PIK3CD: variants seen among roughly 807,000 people sequenced by gnomAD.
The protein encoded by PIK3CD is phosphatidylinositol 4,5-bisphosphate 3-kinase catalytic subunit delta isoform.
A neutral mutation model predicts 122.9 loss-of-function variants in PIK3CD; 20 were observed. That is an observed-to-expected ratio of 0.16 (90% CI 0.11 to 0.24). The LOEUF (loss-of-function observed/expected upper bound fraction) is 0.24, where lower values mean the gene tolerates loss of function less well. Ranked by LOEUF, PIK3CD falls within the 10% of genes least tolerant of loss-of-function variation. PIK3CD has a pLI of 1.00. For synonymous variants in PIK3CD, 596 were observed against 593.4 expected (o/e 1.00, Z -0.06); for missense variants, 787 against 1,406.3 (o/e 0.56, Z 7.04).
the PIK3CD span, among the ~76,000 whole-genome samples, chr1:9,632,853 A>G: frequency 3.5e-5 from 5 of 141,328 alleles, no homozygotes; most frequent in Non-Finnish European, 6.1e-5. Context: ...TACCTTAGCA[A>G]CCTGATTCTT....
At chr1:9,692,098 T>C (rs1003558401) in intron 2 of PIK3CD, among the ~76,000 whole-genome samples, 1 of 152,136 alleles carries the variant, frequency 6.6e-6, no homozygotes, top group African/African-American at 2.4e-5. Flanking sequence ...TGCAGTCCTT[T>C]CATGGTGCAA....
At chr1:9,702,500 CTTTTTTTTTTTTTTTTTTTTT>C (rs60167511) in intron 2 of PIK3CD, among the ~76,000 whole-genome samples, 3,798 of 25,908 alleles carry the variant, frequency 0.15, 781 homozygotes, top group East Asian at 0.67. Flanking sequence ...AAGAACTTTC[CTTTTTTTTTTTTTTTTTTTTT>C]TTTTTTTTTT....
chr1:9,652,719 C>T lies in PIK3CD; in HGVS notation c.-138+917C>T, dbSNP rs1469245029. 2 of 152,104 alleles carry T rather than the reference C, an allele frequency of 1.3e-5. No homozygotes were observed. Among genetic ancestry groups the T allele is most frequent in the African/African-American group, 4.8e-5 (2 of 41,372 alleles). The allele number at this position is 152,104 out of a possible 1,614,324, so 9.4% of individuals were successfully genotyped here. The stretch of plus-strand genomic sequence containing the variant: ...AACTGGGACGACCTTTCGTGGGCAC[C>T]AGGATGGGGGCGTTGCAGGGCGGGG... On this transcript the variant is annotated intron_variant, in intron 1 of 23. Transcript: ENST00000377346. This position sits in a 1 kb window ranked among gnomAD's most constrained non-coding sequence, Gnocchi z 6.2.
At position 9,674,205 on chromosome 1, in the gene PIK3CD, G is replaced by A. The variant is rs1385344200; in HGVS notation, c.-137-17262G>A. Reference sequence around the variant, plus strand: ...AATGAGCACATGCTCCAGAAAGGGGGCATCAGGTAAAGTTTCTTTTCCCGT... The same window carrying A: ...AATGAGCACATGCTCCAGAAAGGGGACATCAGGTAAAGTTTCTTTTCCCGT... On this transcript the variant is annotated intron_variant, in intron 1 of 23. Coordinates refer to ENST00000377346, the MANE Select transcript of PIK3CD (RefSeq NM_005026.5). 2.0e-5 allele frequency among the ~76,000 whole-genome samples: 3 copies of A among 152,232 alleles called. No individual in the cohort carries two copies. In the East Asian group the frequency reaches 5.8e-4, roughly 29 times the overall value.
At chr1:9,680,380 G>A (rs915831019) in intron 1 of PIK3CD, among the ~76,000 whole-genome samples, 3 of 151,992 alleles carry the variant, frequency 2.0e-5, no homozygotes, top group African/African-American at 7.2e-5. Context: ...GGGAGGCTGA[G>A]GCTGAACTCA....
At position 9,718,396 on chromosome 1, in the gene PIK3CD, G is replaced by GA. The variant is rs1647899674; in HGVS notation, c.1021-296dup. On this transcript the variant is annotated intron_variant, in intron 8 of 23. Coordinates refer to ENST00000377346, the MANE Select transcript of PIK3CD (RefSeq NM_005026.5). The surrounding 1 kb of genome is among the most constrained non-coding windows in gnomAD (Gnocchi z 7.2). Reference sequence around the variant, plus strand: ...CTAGGATGTTAGAGCAAGGGTCCCTGAAGTTCTTGATCCCTGATGGGGAAA... The same window carrying GA: ...CTAGGATGTTAGAGCAAGGGTCCCTGAAAGTTCTTGATCCCTGATGGGGAAA... 6.6e-6 allele frequency among the ~76,000 whole-genome samples: 1 copy of GA among 152,070 alleles called. No homozygotes were observed. Among genetic ancestry groups the GA allele is most frequent in the Non-Finnish European group, 1.5e-5 (1 of 68,000 alleles).
intron 2 of PIK3CD, among the ~76,000 whole-genome samples, chr1:9,709,703 C>CA (rs943251692): frequency 1.2e-4 from 18 of 144,244 alleles, no homozygotes; most frequent in Non-Finnish European, 1.5e-4. Flanking sequence ...GACCCTGTTT[C>CA]AAAAAAAAAA....
chr1:9,720,356 G>A lies in PIK3CD; in HGVS notation c.1470+114G>A. On this transcript the variant is annotated intron_variant, in intron 11 of 23. Coordinates refer to ENST00000377346, the MANE Select transcript of PIK3CD (RefSeq NM_005026.5). This position sits in a 1 kb window ranked among gnomAD's most constrained non-coding sequence, Gnocchi z 9.0. ...GGCCACGTCGGGGCTGGGCTACCAG[G>A]CATATCTGGGGCCTTCCCAGGGGCC... The A allele has an allele frequency of 7.1e-7, 1 of 1,418,424 alleles. No homozygotes were observed. Among genetic ancestry groups the A allele is most frequent in the Non-Finnish European group, 9.5e-7 (1 of 1,056,172 alleles). The allele number at this position is 1,418,424 out of a possible 1,614,324, so 87.9% of individuals were successfully genotyped here.
chr1:9,656,836 G>C (rs563820859), intron 1 of PIK3CD, among the ~76,000 whole-genome samples: 1 of 151,778 alleles, frequency 6.6e-6, no homozygotes, highest in Non-Finnish European at 1.5e-5. Flanking sequence ...CCAGCTATTC[G>C]GGAGGCTGAG....
chr1:9,669,358 C>G (rs2100961111), intron 1 of PIK3CD, among the ~76,000 whole-genome samples: 1 of 152,086 alleles, frequency 6.6e-6, no homozygotes, highest in East Asian at 1.9e-4. Context: ...TGGAGGTCTC[C>G]TTTTGTTGCC....
At chr1:9,716,930 C>A in intron 6 of PIK3CD, 29 bp from the exon 7 acceptor site, 1 of 1,613,422 alleles carries the variant, frequency 6.2e-7, no homozygotes, top group East Asian at 2.2e-5. Flanking sequence ...GGCCGCCCCA[C>A]CAGCCGCTCA....
rs1403984156 is a variant in PIK3CD at position 9,710,658 on chromosome 1, CAGAT to C, written c.141+66_141+69del. The C allele has an allele frequency of 2.8e-6, 4 of 1,410,944 alleles. No homozygotes were observed. The highest frequency in any genetic ancestry group is 2.3e-5 in the East Asian group (1 of 43,622). The allele number at this position is 1,410,944 out of a possible 1,614,324, so 87.4% of individuals were successfully genotyped here. A position where few individuals can be genotyped will look rare whatever the true frequency, so the allele number is the denominator to read the frequency against. On this transcript the variant is annotated intron_variant, in intron 3 of 23. Coordinates refer to ENST00000377346, the MANE Select transcript of PIK3CD (RefSeq NM_005026.5). This position sits in a 1 kb window ranked among gnomAD's most constrained non-coding sequence, Gnocchi z 4.7. The stretch of plus-strand genomic sequence containing the variant: ...AGAGAGAGAGAGAGAGAGAGAGACA[CAGAT>C]AGACAGACAGACAGACAGACAGATG...
intron 1 of PIK3CD, among the ~76,000 whole-genome samples, chr1:9,679,768 A>G (rs183411965): frequency 7.6e-4 from 115 of 152,306 alleles, no homozygotes; most frequent in Middle Eastern, 3.4e-3. Flanking sequence ...TTCACATACC[A>G]TACAATTCAT....
chr1:9,712,100 T>G (rs903758659), intron 3 of PIK3CD, among the ~76,000 whole-genome samples: 5 of 150,764 alleles, frequency 3.3e-5, no homozygotes, highest in Admixed American at 6.6e-5. Flanking sequence ...GAGATTTTGG[T>G]TTGTTGAATA....
rs185102871 is a variant in PIK3CD, at chr1:9,665,500, G to A, written c.-138+13698G>A. Among the ~76,000 whole-genome samples, 79 of 151,620 alleles carry A rather than the reference G, an allele frequency of 5.2e-4. 1 individual carries two copies. In the Middle Eastern group the frequency reaches 0.017, roughly 33 times the overall value. On this transcript the variant is annotated intron_variant, in intron 1 of 23. Transcript: ENST00000377346. ...GGTTTACATTCCGCACAGGGCTGTG[G>A]AACAGAATTCGCTCATGCCAGTACA...
intron 1 of PIK3CD, among the ~76,000 whole-genome samples, chr1:9,661,084 G>T (rs143788099): frequency 2.6e-5 from 4 of 152,066 alleles, no homozygotes; most frequent in African/African-American, 9.6e-5. Flanking sequence ...ACAGGCATGC[G>T]CCACCACGCC....
Position 9,721,244 on chromosome 1 carries a change from C to T in PIK3CD, c.1807C>T (p.Leu603=), listed in dbSNP as rs139909682. ...CTTCGCCATCAAGTCGCTGCGGAAACTGACGTGAGTCCCAGCTGGGCGCTC... is the reference window on the plus strand; with the variant it reads ...CTTCGCCATCAAGTCGCTGCGGAAATTGACGTGAGTCCCAGCTGGGCGCTC... ...GSFAIKSLRK[L]TDDELFQYLL... The change falls in exon 14 of 24, where the codon CTG becomes TTG. Residue 603 remains leucine, a synonymous_variant. Transcript: ENST00000377346. The T allele has an allele frequency of 3.5e-5, 56 of 1,613,290 alleles. No homozygotes were observed. In the African/African-American group the frequency reaches 6.7e-4, roughly 19 times the overall value.
At chr1:9,670,782 G>A (rs552973995) in intron 1 of PIK3CD, among the ~76,000 whole-genome samples, 2 of 152,076 alleles carry the variant, frequency 1.3e-5, no homozygotes, top group East Asian at 3.9e-4. Flanking sequence ...TTTTTAGATG[G>A]AGTCTCGCTC....
Position 9,715,690 on chromosome 1 carries a change from C to A in PIK3CD, c.291C>A (p.Pro97=). 1 of 1,613,658 alleles carries A rather than the reference C, an allele frequency of 6.2e-7. No homozygotes were observed. The highest frequency in any genetic ancestry group is 1.1e-5 in the South Asian group (1 of 91,076). Residue 97 remains proline (P), a synonymous_variant, in exon 4 of 24, where the codon CCC becomes CCA. Coordinates refer to ENST00000377346, the MANE Select transcript of PIK3CD (RefSeq NM_005026.5). This position sits in a 1 kb window ranked among gnomAD's most constrained non-coding sequence, Gnocchi z 4.1. ...TGTGTGACGTGCAGCCCTTCCTGCC[C>A]GTCCTGCGCCTGGTGGCCCGTGAGG... is the stretch of plus-strand genomic sequence containing the variant. The part of the protein sequence containing the change: ...RRLCDVQPFL[P]VLRLVAREGD...
Sources: gnomAD v4.1 joint callset for allele counts (sites outside exome capture counted in the v4.1 genomes callset) on GRCh38, gnomAD v4.1.1 for gene constraint, Gnocchi (gnomAD v3.1) non-coding constraint, MANE v1.5 for transcripts, NCBI Gene and HGNC (gene_info 2026-07-23, HGNC 2026-07-21) for gene names.